CAMKMT: variants seen among roughly 807,000 people sequenced by gnomAD.
The protein encoded by CAMKMT is calmodulin-lysine N-methyltransferase, also known as CaM KMT.
CAMKMT carries 53 observed loss-of-function variants against 48.0 expected under a neutral mutation model. The observed-to-expected ratio is 1.10, with a 90% CI of 0.89 to 1.39. CAMKMT has a LOEUF of 1.39. Among genes scored for constraint, CAMKMT ranks in the 40% most tolerant of loss-of-function variants. The probability of loss-of-function intolerance (pLI) is 0.00; values close to 1 mark genes in which losing one functional copy is unlikely to be tolerated. For synonymous variants in CAMKMT, 165 were observed against 152.3 expected (o/e 1.08, Z -0.61); for missense variants, 428 against 402.7 (o/e 1.06, Z -0.54).
intron 2 of CAMKMT, among the ~76,000 whole-genome samples, chr2:44,380,880 G>T (rs752283612): frequency 1.3e-5 from 2 of 151,946 alleles, no homozygotes; most frequent in African/African-American, 2.4e-5. Context: ...TAATGCTTTC[G>T]GCCGGGCATG....
chr2:44,637,899 C>T (rs1572970629), intron 3 of CAMKMT, among the ~76,000 whole-genome samples: 1 of 151,686 alleles, frequency 6.6e-6, no homozygotes, highest in Admixed American at 6.6e-5. Context: ...ACCCCATCTC[C>T]ACTACAAATA....
At chr2:44,394,785 A>G in intron 3 of CAMKMT, 6 of 449,706 alleles carry the variant, frequency 1.3e-5, no homozygotes, top group African/African-American at 2.0e-5. Context: ...GTCTGATAGC[A>G]GAATCTGTTT....
chr2:44,408,839 C>T (rs942464825), intron 3 of CAMKMT, among the ~76,000 whole-genome samples: 3 of 151,332 alleles, frequency 2.0e-5, no homozygotes, highest in Admixed American at 1.3e-4. Context: ...CTTTCTGGGC[C>T]CAAGCAATTC....
intron 3 of CAMKMT, among the ~76,000 whole-genome samples, chr2:44,641,748 G>A (rs1673463575): frequency 1.3e-5 from 2 of 152,080 alleles, no homozygotes; most frequent in South Asian, 4.1e-4. Flanking sequence ...TGTAGAGATG[G>A]AGTTTTGCCT....
At chr2:44,529,511 A>T (rs1007447396) in intron 3 of CAMKMT, among the ~76,000 whole-genome samples, 4 of 152,184 alleles carry the variant, frequency 2.6e-5, no homozygotes, top group African/African-American at 9.7e-5. Flanking sequence ...ACAGTCTATG[A>T]TACTCTAAGG....
intron 8 of CAMKMT, among the ~76,000 whole-genome samples, chr2:44,751,760 T>C (rs1335785065): frequency 6.6e-6 from 1 of 152,206 alleles, no homozygotes; most frequent in Non-Finnish European, 1.5e-5. Flanking sequence ...CTAGGTAATT[T>C]ATAAAGACAT....
Position 44,704,363 on chromosome 2 carries a change from A to T in CAMKMT, c.437+20A>T. ...ATTCAGGTACAGAGCTGCACTTAAGATATTTTTTAGCCCATCACGGATATT... is the reference window on the plus strand; with the variant it reads ...ATTCAGGTACAGAGCTGCACTTAAGTTATTTTTTAGCCCATCACGGATATT... On this transcript the variant is annotated intron_variant, in intron 4 of 10. Transcript: ENST00000378494. 6.5e-7 allele frequency: 1 copy of T among 1,527,540 alleles called. No homozygotes were observed. 94.6% of individuals were successfully genotyped at this position (1,527,540 alleles called of 1,614,324 possible). A position where few individuals can be genotyped will look rare whatever the true frequency, so the allele number is the denominator to read the frequency against.
At chr2:44,458,378 C>A (rs2104611514) in intron 3 of CAMKMT, among the ~76,000 whole-genome samples, 1 of 152,154 alleles carries the variant, frequency 6.6e-6, no homozygotes, top group South Asian at 2.1e-4. Flanking sequence ...ACTGAGTCAC[C>A]TCGTGAAAAC....
At chr2:44,713,316 G>A (rs1270370722) in intron 6 of CAMKMT, among the ~76,000 whole-genome samples, 1 of 152,162 alleles carries the variant, frequency 6.6e-6, no homozygotes, top group Non-Finnish European at 1.5e-5. Context: ...CGACTCTACA[G>A]GTGTACTGGG....
In CAMKMT at chr2:44,577,037, A is replaced by C. The variant is rs142283516; in HGVS notation, c.377-127246A>C. On this transcript the variant is annotated intron_variant, in intron 3 of 10. Transcript: ENST00000378494. ...TTTCTTCAAAGATGTGTGTTTTTCA[A>C]ATCTGCACTATCTTCTGTAAGCATT... Among the ~76,000 whole-genome samples the C allele has an allele frequency of 4.6e-5, 7 of 152,314 alleles. No individual in the cohort carries two copies. In the East Asian group the frequency reaches 1.4e-3, roughly 29 times the overall value.
At chr2:44,538,102 G>T (rs1010502041) in intron 3 of CAMKMT, among the ~76,000 whole-genome samples, 2 of 152,130 alleles carry the variant, frequency 1.3e-5, no homozygotes, top group East Asian at 3.9e-4. Flanking sequence ...GGGCGTGGTC[G>T]CTCACACCTG....
chr2:44,630,640 GA>G (rs1484574995), intron 3 of CAMKMT, among the ~76,000 whole-genome samples: 1 of 151,862 alleles, frequency 6.6e-6, no homozygotes, highest in Non-Finnish European at 1.5e-5. Context: ...AAAAACACAT[GA>G]AAAAATGCTC....
At chr2:44,664,096 A>G (rs1338727538) in intron 3 of CAMKMT, among the ~76,000 whole-genome samples, 2 of 152,210 alleles carry the variant, frequency 1.3e-5, no homozygotes, top group Non-Finnish European at 2.9e-5. Context: ...AATCTCAATT[A>G]AACAGTTGGG....
intron 7 of CAMKMT, among the ~76,000 whole-genome samples, chr2:44,732,320 A>G (rs1470150764): frequency 2.0e-5 from 3 of 152,234 alleles, no homozygotes; most frequent in Non-Finnish European, 1.5e-5. Flanking sequence ...TGCTTACAAA[A>G]TTGTATTTTA....
At chr2:44,767,704 C>G (rs114884122) in intron 10 of CAMKMT, among the ~76,000 whole-genome samples, 2,564 of 152,170 alleles carry the variant, frequency 0.017, 31 homozygotes, top group South Asian at 0.03. Context: ...TTACCAGCCT[C>G]TCTAGAATGA....
Position 44,701,310 on chromosome 2 carries a change from A to C in CAMKMT, c.377-2973A>C, listed in dbSNP as rs1253565130. 5.9e-5 allele frequency among the ~76,000 whole-genome samples: 9 copies of C among 152,280 alleles called. No individual in the cohort carries two copies. In the East Asian group the frequency reaches 1.7e-3, roughly 29 times the overall value. On this transcript the variant is annotated intron_variant, in intron 3 of 10. Coordinates refer to ENST00000378494, the MANE Select transcript of CAMKMT (RefSeq NM_024766.5). ...GCCCAACATTCGTTATAACCTGACT[A>C]TTTGATTGTAGCCATCCTAGTGGGT...
chr2:44,749,302 A>T (rs1680054691), intron 8 of CAMKMT, among the ~76,000 whole-genome samples: 1 of 152,036 alleles, frequency 6.6e-6, no homozygotes, highest in South Asian at 2.1e-4. Flanking sequence ...GAAATATCCT[A>T]CCTGAAAGTT....
intron 3 of CAMKMT, among the ~76,000 whole-genome samples, chr2:44,394,037 T>C (rs1681594713): frequency 6.6e-6 from 1 of 152,218 alleles, no homozygotes; most frequent in South Asian, 2.1e-4. Context: ...GGGTCTGTAG[T>C]AGATTCATTG....
chr2:44,699,761 T>G (rs1677159867), intron 3 of CAMKMT, among the ~76,000 whole-genome samples: 1 of 152,160 alleles, frequency 6.6e-6, no homozygotes, highest in Admixed American at 6.5e-5. Flanking sequence ...CACCTGCCAC[T>G]GAGCCAGGCT....
Sources: gnomAD v4.1 joint callset for allele counts (sites outside exome capture counted in the v4.1 genomes callset) on GRCh38, gnomAD v4.1.1 for gene constraint, MANE v1.5 for transcripts, NCBI Gene and HGNC (gene_info 2026-07-23, HGNC 2026-07-21) for gene names.